Variants in WDSUB1 observed in about 807,000 individuals in gnomAD.
WDSUB1 encodes the protein WD repeat, sterile alpha motif and U-box domain containing 1, also known as WD repeat, SAM and U-box domain-containing protein 1.
Under a neutral mutation model 53.9 loss-of-function variants are expected in WDSUB1, and 49 were observed. That is an observed-to-expected ratio of 0.91 (90% CI 0.72 to 1.15). WDSUB1 has a LOEUF of 1.15. Ranked by LOEUF, WDSUB1 falls within the 50% of genes most tolerant of loss-of-function variation. The pLI, the probability that WDSUB1 is intolerant of heterozygous loss-of-function variation, is 0.00. For synonymous variants in WDSUB1, 194 were observed against 200.6 expected (o/e 0.97, Z 0.28); for missense variants, 514 against 562.0 (o/e 0.91, Z 0.86).
chr2:159,241,959 CA>C (rs1181885268), intron 10 of WDSUB1, among the ~76,000 whole-genome samples: 1 of 147,504 alleles, frequency 6.8e-6, no homozygotes, highest in African/African-American at 2.6e-5. Context: ...TGCTATCCTG[CA>C]GATAAGAATG....
chr2:159,253,647 C>T (rs1203350517), intron 9 of WDSUB1, among the ~76,000 whole-genome samples: 1 of 152,194 alleles, frequency 6.6e-6, no homozygotes, highest in Non-Finnish European at 1.5e-5. Context: ...GACATGGCAG[C>T]TGTTTTAAAC....
chr2:159,271,390 C>A (rs1008597302), intron 5 of WDSUB1, among the ~76,000 whole-genome samples: 19 of 152,138 alleles, frequency 1.2e-4, no homozygotes, highest in Admixed American at 2.0e-4. Flanking sequence ...AGGGCCACAG[C>A]TCCAGGCAAT....
At chr2:159,240,300 T>C (rs2060610300) in intron 10 of WDSUB1, among the ~76,000 whole-genome samples, 1 of 152,214 alleles carries the variant, frequency 6.6e-6, no homozygotes, top group South Asian at 2.1e-4. Flanking sequence ...CTGGGTTGTT[T>C]CCACCTTTGG....
At chr2:159,246,713 TAATAGCCACAA>T (rs1487068137) in intron 10 of WDSUB1, among the ~76,000 whole-genome samples, 1 of 152,170 alleles carries the variant, frequency 6.6e-6, no homozygotes, top group Non-Finnish European at 1.5e-5. Context: ...GCTTCAGTCA[TAATAGCCACAA>T]AATAGAAAAG....
chr2:159,270,678 G>C (rs943280980), intron 5 of WDSUB1, among the ~76,000 whole-genome samples: 1 of 152,282 alleles, frequency 6.6e-6, no homozygotes, highest in Non-Finnish European at 1.5e-5. Context: ...TACACATTAA[G>C]TGTGAAAGGC....
chr2:159,248,367 C>A lies in WDSUB1; in HGVS notation c.1273+5G>T, dbSNP rs78298820. On this transcript the variant is annotated splice_donor_5th_base_variant and intron_variant, in intron 10 of 10. Coordinates refer to ENST00000359774, the MANE Select transcript of WDSUB1 (RefSeq NM_001128212.3). ...CCCTGCAACTTAGTATAGCATCACA[C>A]ATACCTGATGCGATGACCGGATCTT... 1.2e-6 allele frequency: 2 copies of A among 1,611,498 alleles called. No homozygotes were observed. Among genetic ancestry groups the A allele is most frequent in the East Asian group, 4.5e-5 (2 of 44,652 alleles).
intron 9 of WDSUB1, among the ~76,000 whole-genome samples, chr2:159,249,689 C>T (rs1281885055): frequency 1.3e-5 from 2 of 151,984 alleles, no homozygotes; most frequent in Non-Finnish European, 2.9e-5. Flanking sequence ...TGCTTAGCCC[C>T]CTCATAAGAC....
chr2:159,271,840 A>C (rs2061449809), intron 4 of WDSUB1, 45 bp from the exon 5 acceptor site: 1 of 1,502,754 alleles, frequency 6.7e-7, no homozygotes, highest in Non-Finnish European at 9.2e-7. Context: ...GACCATGCTT[A>C]GAATTGATTT....
At chr2:159,248,586 A>ACTACTAGGATAC in intron 9 of WDSUB1, 74 bp from the exon 10 acceptor site, 1 of 1,396,552 alleles carries the variant, frequency 7.2e-7, no homozygotes, top group Non-Finnish European at 9.4e-7. Flanking sequence ...AGTAATCCTT[A>ACTACTAGGATAC]TTCACAAATA....
chr2:159,272,367 G>A (rs2061459944), intron 4 of WDSUB1, among the ~76,000 whole-genome samples: 1 of 152,220 alleles, frequency 6.6e-6, no homozygotes, highest in Admixed American at 6.5e-5. Flanking sequence ...ACTCAGGGAA[G>A]AGACATGGGG....
chr2:159,260,465 C>G (rs1393170653), intron 5 of WDSUB1, among the ~76,000 whole-genome samples: 1 of 151,970 alleles, frequency 6.6e-6, no homozygotes, highest in Admixed American at 6.6e-5. Context: ...TGGGAAAAAC[C>G]ACAAGGAAAA....
chr2:159,242,918 T>C (rs1208120943), intron 10 of WDSUB1, among the ~76,000 whole-genome samples: 3 of 147,450 alleles, frequency 2.0e-5, no homozygotes, highest in Non-Finnish European at 4.4e-5. Context: ...CCAATAGATA[T>C]AAAAATATAC....
intron 2 of WDSUB1, among the ~76,000 whole-genome samples, chr2:159,281,019 TG>T (rs2061653118): frequency 6.6e-6 from 1 of 152,160 alleles, no homozygotes. Context: ...AAAAGATATT[TG>T]GCATAAGTGT....
intron 10 of WDSUB1, among the ~76,000 whole-genome samples, chr2:159,242,767 G>A (rs2159876): frequency 0.3 from 43,593 of 147,552 alleles, 9,100 homozygotes; most frequent in Admixed American, 0.48. Flanking sequence ...TGAGAATACA[G>A]AAGAGCCCCC....
chr2:159,252,141 TTAAAA>T (rs764599870), intron 9 of WDSUB1, among the ~76,000 whole-genome samples: 1 of 151,810 alleles, frequency 6.6e-6, no homozygotes, highest in African/African-American at 2.4e-5. Flanking sequence ...TTTTTAAAAA[TTAAAA>T]ATTAATTTAA....
chr2:159,236,656 T>G (rs1202713665), intron 10 of WDSUB1, among the ~76,000 whole-genome samples: 1 of 128,844 alleles, frequency 7.8e-6, no homozygotes, highest in African/African-American at 3.9e-5. Context: ...CTTAGGTTTT[T>G]TTGTTTGTTT....
intron 1 of WDSUB1, chr2:159,286,367 G>T (rs1193047089): frequency 6.6e-6 from 1 of 152,502 alleles, no homozygotes; most frequent in African/African-American, 2.4e-5. Flanking sequence ...CACCCGCAAG[G>T]GGCTTCCTTC....
chr2:159,261,892 ATATATTTTT>A (rs2061230181), intron 5 of WDSUB1, among the ~76,000 whole-genome samples: 1 of 13,268 alleles, frequency 7.5e-5, no homozygotes, highest in African/African-American at 4.8e-4. Flanking sequence ...ATATATATAT[ATATATTTTT>A]TTTTTTTTTT....
chr2:159,252,925 T>G (rs2060981240), intron 9 of WDSUB1, among the ~76,000 whole-genome samples: 1 of 152,248 alleles, frequency 6.6e-6, no homozygotes, highest in Non-Finnish European at 1.5e-5. Flanking sequence ...ATTATCTGAA[T>G]TTCATAAATA....
Sources: gnomAD v4.1 joint callset for allele counts (sites outside exome capture counted in the v4.1 genomes callset) on GRCh38, gnomAD v4.1.1 for gene constraint, MANE v1.5 for transcripts, NCBI Gene and HGNC (gene_info 2026-07-23, HGNC 2026-07-21) for gene names.